DAB1: variants seen among roughly 807,000 people sequenced by gnomAD.
DAB1 encodes the protein disabled homolog 1.
In DAB1, 15 loss-of-function variants were observed where a neutral mutation model predicts 64.6. The ratio of observed to expected loss-of-function variants is 0.23; its 90% CI spans 0.16 to 0.36. The LOEUF is 0.36. Ranked by LOEUF, DAB1 falls within the 10% of genes least tolerant of loss-of-function variation. DAB1 has a pLI of 1.00. For missense variants in DAB1, 596 were observed against 706.7 expected, an observed-to-expected ratio of 0.84 and a Z score of 1.78; for synonymous variants, 235 against 251.9, an observed-to-expected ratio of 0.93 and a Z score of 0.64.
chr1:57,043,546 T>C (rs1385523941), intron 9 of DAB1, among the ~76,000 whole-genome samples: 1 of 152,222 alleles, frequency 6.6e-6, no homozygotes, highest in East Asian at 1.9e-4. Flanking sequence ...CAAAGTGGTC[T>C]TTAAAAAATA....
chr1:58,297,498 T>C (rs775552789), intron 4 of DAB1, among the ~76,000 whole-genome samples: 6 of 152,142 alleles, frequency 3.9e-5, no homozygotes. Context: ...GAGTGAGTGC[T>C]CAATGGTGGG....
intron 5 of DAB1, among the ~76,000 whole-genome samples, chr1:57,998,954 G>C (rs941901639): frequency 3.3e-5 from 5 of 152,026 alleles, no homozygotes; most frequent in African/African-American, 1.2e-4. Context: ...TTATCTTCCT[G>C]CAGGGAATTG....
chr1:58,460,979 C>T (rs1366301129), intron 3 of DAB1, among the ~76,000 whole-genome samples: 3 of 152,068 alleles, frequency 2.0e-5, no homozygotes, highest in African/African-American at 4.8e-5. Context: ...ATGACTTGTG[C>T]CCAGTCAAGT....
At chr1:57,334,165 A>G (rs1320075465) in intron 1 of DAB1, among the ~76,000 whole-genome samples, 1 of 152,248 alleles carries the variant, frequency 6.6e-6, no homozygotes, top group African/African-American at 2.4e-5. Context: ...TATGGAGGCC[A>G]GGCTAAGACT....
chr1:57,700,562 G>C (rs1198649018), intron 6 of DAB1, among the ~76,000 whole-genome samples: 1 of 152,138 alleles, frequency 6.6e-6, no homozygotes, highest in Non-Finnish European at 1.5e-5. Context: ...GTTATCAGAT[G>C]AACCGAAGCC....
intron 6 of DAB1, among the ~76,000 whole-genome samples, chr1:57,746,789 C>T (rs1400516544): frequency 6.6e-6 from 1 of 151,842 alleles, no homozygotes; most frequent in Non-Finnish European, 1.5e-5. Context: ...ATTGTTATTC[C>T]TTCCCCTTCA....
rs189119304 is a variant in DAB1 at position 57,835,397 on chromosome 1, G to T, written n.88-8942C>A. 7.2e-5 allele frequency among the ~76,000 whole-genome samples: 11 copies of T among 152,224 alleles called. No homozygotes were observed. In the East Asian group the frequency reaches 2.1e-3, roughly 29 times the overall value. On this transcript the variant is annotated intron_variant and non_coding_transcript_variant, in intron 1 of 1. Transcript: ENST00000477280. ...GAGGAAACTGACTCATTGAAAAATT[G>T]AACACTTTTTCCAATGTCATATAAC...
intron 1 of DAB1, among the ~76,000 whole-genome samples, chr1:57,361,796 G>A (rs181161729): frequency 6.6e-6 from 1 of 152,222 alleles, no homozygotes; most frequent in African/African-American, 2.4e-5. Context: ...CCGACCTGCA[G>A]AATTATTGAA....
intron 2 of DAB1, among the ~76,000 whole-genome samples, chr1:57,226,672 A>AAAAATATATATATATAT (rs747021990): frequency 1.3e-4 from 18 of 135,988 alleles, no homozygotes; most frequent in South Asian, 4.5e-4. Context: ...TTAAAAAAAA[A>AAAAATATATATATATAT]ATATATATAT....
chr1:58,215,401 GTT>G (rs57757954), intron 4 of DAB1, among the ~76,000 whole-genome samples: 85,825 of 145,710 alleles, frequency 0.59, 25,764 homozygotes, highest in Middle Eastern at 0.74. Flanking sequence ...CCATGATAGT[GTT>G]TTTTTTTTTT....
intron 5 of DAB1, among the ~76,000 whole-genome samples, chr1:57,958,498 G>A (rs1645443282): frequency 6.6e-6 from 1 of 152,126 alleles, no homozygotes; most frequent in South Asian, 2.1e-4. Context: ...ACAGAAAATG[G>A]GGTGCAAATC....
chr1:57,805,032 T>A (rs1426654228), intron 6 of DAB1, among the ~76,000 whole-genome samples: 1 of 152,160 alleles, frequency 6.6e-6, no homozygotes, highest in African/African-American at 2.4e-5. Flanking sequence ...CTGTCAATAA[T>A]CTTTGTCAGG....
intron 6 of DAB1, among the ~76,000 whole-genome samples, chr1:57,738,919 T>C (rs1369544508): frequency 6.6e-6 from 1 of 152,168 alleles, no homozygotes; most frequent in African/African-American, 2.4e-5. Flanking sequence ...TGGAAACAAC[T>C]TTCTAAAAGG....
chr1:57,918,982 CA>C (rs139964555), intron 5 of DAB1, among the ~76,000 whole-genome samples: 7 of 151,782 alleles, frequency 4.6e-5, no homozygotes, highest in Non-Finnish European at 8.8e-5. Context: ...TAGCATTTAC[CA>C]AAAAAAATTG....
intron 3 of DAB1, among the ~76,000 whole-genome samples, chr1:58,450,949 A>G (rs1381459272): frequency 6.6e-6 from 1 of 152,144 alleles, no homozygotes; most frequent in Non-Finnish European, 1.5e-5. Context: ...ACCCAAATTG[A>G]GGGAGATTTT....
chr1:57,586,826 A>G (rs1017904440), intron 7 of DAB1, among the ~76,000 whole-genome samples: 5 of 147,464 alleles, frequency 3.4e-5, no homozygotes, highest in Non-Finnish European at 6.0e-5. Flanking sequence ...AAAAAAAAGT[A>G]AAAGAAAGAA....
chr1:57,819,213 T>C (rs1652007917), intron 6 of DAB1, among the ~76,000 whole-genome samples: 1 of 152,250 alleles, frequency 6.6e-6, no homozygotes, highest in South Asian at 2.1e-4. Context: ...AGAAAGATTT[T>C]ATTTCAAGGC....
chr1:57,142,627 C>CACACACACACAT (rs1473201144), intron 3 of DAB1, among the ~76,000 whole-genome samples: 10 of 144,068 alleles, frequency 6.9e-5, no homozygotes, highest in African/African-American at 2.9e-4. Context: ...CACACACACA[C>CACACACACACAT]ACATACACAC....
intron 1 of DAB1, among the ~76,000 whole-genome samples, chr1:57,840,535 AG>A (rs1333595472): frequency 6.6e-6 from 1 of 152,168 alleles, no homozygotes; most frequent in African/African-American, 2.4e-5. Flanking sequence ...GAACTACTTG[AG>A]ACTGGGTAAT....
Sources: gnomAD v4.1 joint callset for allele counts (sites outside exome capture counted in the v4.1 genomes callset) on GRCh38, gnomAD v4.1.1 for gene constraint, MANE v1.5 for transcripts, NCBI Gene and HGNC (gene_info 2026-07-23, HGNC 2026-07-21) for gene names.